MTCL2: variants seen among roughly 807,000 people sequenced by gnomAD.
The protein encoded by MTCL2 is microtubule crosslinking factor 2.
chr20:36,852,097 C>A, the MTCL2 span, among the ~76,000 whole-genome samples: 1 of 152,186 alleles, frequency 6.6e-6, no homozygotes, highest in African/African-American at 2.4e-5. Flanking sequence ...AGCCCTCCGA[C>A]GGGCAGACCA....
the MTCL2 span, among the ~76,000 whole-genome samples, chr20:36,804,114 C>T: frequency 1.3e-5 from 2 of 152,112 alleles, no homozygotes; most frequent in African/African-American, 2.4e-5. Context: ...ATCTGTCCAG[C>T]AGAGACCATC....
At chr20:36,859,511 A>C in the MTCL2 span, 1 of 1,032,468 alleles carries the variant, frequency 9.7e-7, no homozygotes, top group East Asian at 3.3e-5. Flanking sequence ...CTCTATCTTT[A>C]TCCAAGCATG....
At chr20:36,793,272 C>T in the MTCL2 span, 1 of 1,551,716 alleles carries the variant, frequency 6.4e-7, no homozygotes, top group South Asian at 1.2e-5. This position sits in a 1 kb window ranked among gnomAD's most constrained non-coding sequence, Gnocchi z 6.8. Flanking sequence ...ACCACGGCTC[C>T]ATCTCCGTCC....
At chr20:36,815,750 C>T in the MTCL2 span, 1 of 1,591,174 alleles carries the variant, frequency 6.3e-7, no homozygotes, top group African/African-American at 1.3e-5. The surrounding 1 kb of genome is among the most constrained non-coding windows in gnomAD (Gnocchi z 5.3). Context: ...GTTCGCTGAG[C>T]ACAGAACAAC....
the MTCL2 span, among the ~76,000 whole-genome samples, chr20:36,807,064 C>T: frequency 3.3e-5 from 5 of 152,168 alleles, no homozygotes; most frequent in African/African-American, 4.8e-5. Context: ...ACAGAAGAGA[C>T]AGCTTCGGAC....
At chr20:36,812,902 G>A in the MTCL2 span, 2 of 1,561,922 alleles carry the variant, frequency 1.3e-6, no homozygotes, top group Non-Finnish European at 1.7e-6. Context: ...GGGGCCCGAG[G>A]GGTGCCAGAA....
the MTCL2 span, among the ~76,000 whole-genome samples, chr20:36,827,514 T>C: frequency 6.6e-6 from 1 of 151,812 alleles, no homozygotes; most frequent in African/African-American, 2.4e-5. Flanking sequence ...GCATTCTTTA[T>C]AGAGACAGAG....
chr20:36,806,989 G>T, the MTCL2 span, among the ~76,000 whole-genome samples: 1 of 152,270 alleles, frequency 6.6e-6, no homozygotes, highest in Non-Finnish European at 1.5e-5. Context: ...CCCTTAAACT[G>T]GGCTTCATCC....
the MTCL2 span, among the ~76,000 whole-genome samples, chr20:36,800,632 G>C: frequency 6.6e-6 from 1 of 152,182 alleles, no homozygotes; most frequent in Non-Finnish European, 1.5e-5. Flanking sequence ...TTTCATGAAC[G>C]TGACCTTGCA....
At chr20:36,783,783 C>G in the MTCL2 span, 1 of 985,208 alleles carries the variant, frequency 1.0e-6, no homozygotes, top group Non-Finnish European at 1.2e-6. Context: ...AATCACATTC[C>G]AAAAGAGTAG....
the MTCL2 span, chr20:36,785,879 C>T: frequency 1.0e-6 from 1 of 985,948 alleles, no homozygotes; most frequent in Non-Finnish European, 1.2e-6. Flanking sequence ...TAAGCAATGG[C>T]CCTGGCTACT....
the MTCL2 span, among the ~76,000 whole-genome samples, chr20:36,790,078 G>A: frequency 3.5e-5 from 5 of 144,624 alleles, no homozygotes; most frequent in South Asian, 2.2e-4. Flanking sequence ...TGCAAGCTCC[G>A]CCTCCCGGGT....
At chr20:36,845,010 C>CA in the MTCL2 span, among the ~76,000 whole-genome samples, 48,321 of 126,842 alleles carry the variant, frequency 0.38, 8,915 homozygotes, top group East Asian at 0.63. Context: ...GATTCTGTCT[C>CA]AAAAAAAAAA....
At chr20:36,860,690 C>T in the MTCL2 span, among the ~76,000 whole-genome samples, 2 of 152,158 alleles carry the variant, frequency 1.3e-5, no homozygotes, top group Non-Finnish European at 1.5e-5. Context: ...GCTCATTTAA[C>T]CGTTGAGGTT....
At chr20:36,812,776 C>G in the MTCL2 span, 219 of 1,613,878 alleles carry the variant, frequency 1.4e-4, no homozygotes, top group Non-Finnish European at 1.8e-4. Context: ...GCTTAGAGTC[C>G]AAGTCACCAG....
the MTCL2 span, among the ~76,000 whole-genome samples, chr20:36,790,715 G>A: frequency 1.3e-5 from 2 of 151,556 alleles, no homozygotes; most frequent in African/African-American, 4.8e-5. Flanking sequence ...AGGATTACAG[G>A]CGTAAGCCAC....
the MTCL2 span, among the ~76,000 whole-genome samples, chr20:36,792,651 C>T: frequency 6.6e-6 from 1 of 152,102 alleles, no homozygotes. Context: ...CTGGCAGTCT[C>T]TGGTGGGTGG....
chr20:36,809,073 G>A, the MTCL2 span, among the ~76,000 whole-genome samples: 3 of 152,226 alleles, frequency 2.0e-5, no homozygotes, highest in South Asian at 6.2e-4. Flanking sequence ...TGATAGCAGG[G>A]AGGGGTGACG....
the MTCL2 span, among the ~76,000 whole-genome samples, chr20:36,856,869 C>G: frequency 5.9e-4 from 90 of 152,034 alleles, no homozygotes; most frequent in East Asian, 6.6e-3. Flanking sequence ...CGTGCGCGCA[C>G]GTGTGTGCGT....
Sources: allele counts gnomAD v4.1 joint callset (sites outside exome capture counted in the v4.1 genomes callset), GRCh38; gene constraint gnomAD v4.1.1; non-coding constraint Gnocchi (gnomAD v3.1); transcripts MANE v1.5; gene names NCBI Gene and HGNC (gene_info 2026-07-23, HGNC 2026-07-21).